Variants in PTPRM observed in about 807,000 individuals in gnomAD.
The protein encoded by PTPRM is receptor-type tyrosine-protein phosphatase mu.
Under a neutral mutation model 186.7 loss-of-function variants are expected in PTPRM, and 47 were observed. That is an observed-to-expected ratio of 0.25 (90% CI 0.20 to 0.32). The LOEUF (loss-of-function observed/expected upper bound fraction) is 0.32. Ranked by LOEUF, PTPRM falls within the 10% of genes least tolerant of loss-of-function variation. The pLI, the probability that PTPRM is intolerant of heterozygous loss-of-function variation, is 1.00. For missense variants in PTPRM, 1,494 were observed against 1,865.0 expected, an observed-to-expected ratio of 0.80 and a Z score of 3.66; for synonymous variants, 668 against 674.9, an observed-to-expected ratio of 0.99 and a Z score of 0.16.
intron 13 of PTPRM, among the ~76,000 whole-genome samples, chr18:8,121,449 T>C (rs934281823): frequency 6.6e-6 from 1 of 152,338 alleles, no homozygotes; most frequent in East Asian, 1.9e-4. Flanking sequence ...TCTATTTTTT[T>C]TAAATATCTG....
At chr18:7,649,080 G>A (rs2144256049) in intron 1 of PTPRM, among the ~76,000 whole-genome samples, 1 of 152,254 alleles carries the variant, frequency 6.6e-6, no homozygotes, top group Non-Finnish European at 1.5e-5. Flanking sequence ...AAATCCTAGG[G>A]CCCTTAAGAA....
chr18:8,202,792 C>T (rs909342832), intron 14 of PTPRM, among the ~76,000 whole-genome samples: 2 of 152,084 alleles, frequency 1.3e-5, no homozygotes, highest in African/African-American at 4.8e-5. Context: ...TCTCTCTCAC[C>T]TCCTAGGCAA....
In PTPRM at chr18:7,850,257, T is replaced by C. The variant is rs372543243; in HGVS notation, c.197-37849T>C. 4.6e-5 allele frequency among the ~76,000 whole-genome samples: 7 copies of C among 152,394 alleles called. No homozygotes were observed. The East Asian group carries it at 1.3e-3, about 29-fold the overall frequency. Reference sequence around the variant, plus strand: ...AATAGTGCCTTAAGATTCTGGGCTTTGTTCTTGAGCTTTTAAATAACAGTC... The same window carrying C: ...AATAGTGCCTTAAGATTCTGGGCTTCGTTCTTGAGCTTTTAAATAACAGTC... On this transcript the variant is annotated intron_variant, in intron 2 of 32. Coordinates refer to ENST00000580170, the MANE Select transcript of PTPRM (RefSeq NM_001105244.2).
intron 14 of PTPRM, among the ~76,000 whole-genome samples, chr18:8,236,001 A>C (rs148266872): frequency 6.6e-6 from 1 of 152,160 alleles, no homozygotes; most frequent in South Asian, 2.1e-4. Flanking sequence ...GATGCGGTCT[A>C]TCTGGTGAAT....
chr18:7,883,215 G>A (rs1376848685), intron 2 of PTPRM, among the ~76,000 whole-genome samples: 1 of 152,046 alleles, frequency 6.6e-6, no homozygotes, highest in Non-Finnish European at 1.5e-5. Flanking sequence ...AAAATTTACC[G>A]AGCTGGAATG....
At chr18:8,020,885 G>A (rs1385068089) in intron 7 of PTPRM, among the ~76,000 whole-genome samples, 14 of 152,158 alleles carry the variant, frequency 9.2e-5, no homozygotes, top group Admixed American at 2.0e-4. Context: ...GTTTAGTGTC[G>A]TTCTGTGTGG....
At position 8,078,407 on chromosome 18, in the gene PTPRM, ACACTTGC is replaced by A. The variant is rs1220796256; in HGVS notation, c.1551+1845_1551+1851del. 3.9e-5 allele frequency among the ~76,000 whole-genome samples: 6 copies of A among 152,336 alleles called. No homozygotes were observed. The East Asian group carries it at 9.7e-4, about 25-fold the overall frequency. ...GACAAAATCACGCTAAGGAAATCAA[ACACTTGC>A]CCCAAAAGAAGCAGGGACCATGGCA... On this transcript the variant is annotated intron_variant, in intron 9 of 32. Transcript: ENST00000580170.
intron 7 of PTPRM, among the ~76,000 whole-genome samples, chr18:8,017,244 T>A (rs2084927435): frequency 6.6e-6 from 1 of 152,020 alleles, no homozygotes; most frequent in African/African-American, 2.4e-5. Context: ...ACTTGTATAG[T>A]ATAAAAATAT....
At chr18:8,201,486 G>T (rs2093855950) in intron 14 of PTPRM, among the ~76,000 whole-genome samples, 1 of 152,140 alleles carries the variant, frequency 6.6e-6, no homozygotes, top group African/African-American at 2.4e-5. Context: ...TTAGGTTGTG[G>T]TGCTATTACT....
rs562205427 is a variant in PTPRM at position 8,013,374 on chromosome 18, A to G, written c.1133-56312A>G. On this transcript the variant is annotated intron_variant, in intron 7 of 32. Transcript: ENST00000580170. ...GTTGACCAGAAGCCTTACTGATAAC[A>G]TAAACCATCGATTAACACATATTTT... Among the ~76,000 whole-genome samples, 9 of 152,348 alleles carry G rather than the reference A, an allele frequency of 5.9e-5. No homozygotes were observed. In the South Asian group the frequency reaches 1.7e-3, roughly 28 times the overall value.
chr18:7,962,281 G>A (rs1221710706), intron 7 of PTPRM, among the ~76,000 whole-genome samples: 1 of 152,060 alleles, frequency 6.6e-6, no homozygotes, highest in Non-Finnish European at 1.5e-5. Flanking sequence ...GGAATATATA[G>A]GCAACATATA....
intron 14 of PTPRM, among the ~76,000 whole-genome samples, chr18:8,153,113 A>G (rs542536419): frequency 3.9e-5 from 6 of 152,322 alleles, no homozygotes; most frequent in Admixed American, 6.5e-5. Flanking sequence ...CATATGACCC[A>G]GTGTAAGTCC....
intron 1 of PTPRM, among the ~76,000 whole-genome samples, chr18:7,634,542 C>A (rs1035973111): frequency 3.9e-5 from 6 of 152,176 alleles, no homozygotes; most frequent in Admixed American, 2.0e-4. Flanking sequence ...ATCTTTAATG[C>A]CCAAATGGAT....
chr18:7,696,892 T>C (rs1472004326), intron 1 of PTPRM, among the ~76,000 whole-genome samples: 1 of 152,206 alleles, frequency 6.6e-6, no homozygotes, highest in African/African-American at 2.4e-5. Context: ...TGTTTATGCA[T>C]GTTTTTATGC....
At chr18:7,980,936 C>G (rs532282660) in intron 7 of PTPRM, among the ~76,000 whole-genome samples, 1 of 152,278 alleles carries the variant, frequency 6.6e-6, no homozygotes, top group South Asian at 2.1e-4. Context: ...GTTGAGCCAT[C>G]GAAGGCACTC....
At chr18:8,113,413 C>A in intron 11 of PTPRM, 73 bp from the exon 12 acceptor site, 1 of 1,370,584 alleles carries the variant, frequency 7.3e-7, no homozygotes, top group Non-Finnish European at 1.0e-6. Context: ...TCCTGTGGGT[C>A]CATGCAGTTG....
At chr18:7,820,999 C>T (rs915175773) in intron 2 of PTPRM, among the ~76,000 whole-genome samples, 1 of 152,148 alleles carries the variant, frequency 6.6e-6, no homozygotes, top group Non-Finnish European at 1.5e-5. Context: ...TTCCACAAGT[C>T]AGCCTGCCTT....
intron 7 of PTPRM, among the ~76,000 whole-genome samples, chr18:7,995,172 A>G (rs1370478695): frequency 1.6e-4 from 25 of 152,130 alleles, no homozygotes; most frequent in Admixed American, 1.6e-3. Context: ...ACTATTAGGA[A>G]CAACTAACAA....
intron 5 of PTPRM, among the ~76,000 whole-genome samples, chr18:7,938,951 A>G (rs1392998696): frequency 6.6e-6 from 1 of 152,186 alleles, no homozygotes; most frequent in Non-Finnish European, 1.5e-5. Context: ...AAATTGATAA[A>G]TATTTGGGTT....
Sources: gnomAD v4.1 joint callset for allele counts (sites outside exome capture counted in the v4.1 genomes callset) on GRCh38, gnomAD v4.1.1 for gene constraint, MANE v1.5 for transcripts, NCBI Gene and HGNC (gene_info 2026-07-23, HGNC 2026-07-21) for gene names.